MBTD1: variants seen among roughly 807,000 people sequenced by gnomAD.
MBTD1 encodes the protein MBT domain-containing protein 1.
MBTD1 carries 24 observed loss-of-function variants against 87.8 expected under a neutral mutation model. That is an observed-to-expected ratio of 0.27 (90% confidence interval 0.20 to 0.38). MBTD1 has a LOEUF of 0.38. MBTD1 is among the 10% of genes least tolerant of loss of function. The pLI, the probability that MBTD1 is intolerant of heterozygous loss-of-function variation, is 1.00. For synonymous variants in MBTD1, 237 were observed against 248.6 expected, an observed-to-expected ratio of 0.95 and a Z score of 0.44; for missense variants, 436 against 760.2, an observed-to-expected ratio of 0.57 and a Z score of 5.02.
intron 2 of MBTD1, among the ~76,000 whole-genome samples, chr17:51,244,394 A>G (rs140951831): frequency 9.4e-4 from 143 of 152,278 alleles, no homozygotes; most frequent in African/African-American, 3.3e-3. Context: ...TGTGGCCACA[A>G]TGATGTCCCT....
intron 13 of MBTD1, among the ~76,000 whole-genome samples, chr17:51,194,566 C>CAAAAA (rs71355733): frequency 0.031 from 615 of 19,716 alleles, 164 homozygotes; most frequent in Admixed American, 0.04. Flanking sequence ...GAGACTGTCT[C>CAAAAA]AAAAAAAAAA....
At chr17:51,245,008 T>C (rs1598424335) in intron 2 of MBTD1, among the ~76,000 whole-genome samples, 1 of 152,132 alleles carries the variant, frequency 6.6e-6, no homozygotes, top group African/African-American at 2.4e-5. Context: ...TCAAGTGATT[T>C]TCCTGCTTCA....
intron 16 of MBTD1, among the ~76,000 whole-genome samples, 181 bp from the exon 17 acceptor site, chr17:51,180,875 T>C (rs1265499498): frequency 3.3e-5 from 5 of 152,328 alleles, no homozygotes; most frequent in East Asian, 1.9e-4. Flanking sequence ...TACTGTGTAA[T>C]GGACATCTTC....
intron 16 of MBTD1, among the ~76,000 whole-genome samples, chr17:51,189,589 G>A (rs1260717549): frequency 2.0e-5 from 3 of 152,198 alleles, no homozygotes; most frequent in Non-Finnish European, 4.4e-5. Context: ...GTCACGCTGA[G>A]GGAGGCAAAT....
At chr17:51,191,999 G>T in intron 16 of MBTD1, 1 of 574,838 alleles carries the variant, frequency 1.7e-6, no homozygotes, top group Non-Finnish European at 3.1e-6. Flanking sequence ...TAAATACTGT[G>T]GTAATAATTT....
In MBTD1 at chr17:51,202,845, C is replaced by G; in HGVS notation, c.919G>C (p.Val307Leu). 1 of 1,614,134 alleles carries G rather than the reference C, an allele frequency of 6.2e-7. No individual in the cohort carries two copies. Reference protein sequence around the residue: ...RHLCRTRVAVVESVIGGRLRL... With the variant: ...RHLCRTRVAVLESVIGGRLRL... ...AATCTTCCTCCAATTACACTTTCCA[C>G]CACTGCTACTCGTGTTCGACACAAA... Residue 307 changes from valine to leucine, a missense_variant, in exon 10 of 17, where the codon GTG (valine) becomes CTG (leucine). This residue lies in a region of MBTD1 where 268 missense variants were observed against 401.8 expected (regional missense o/e 0.67). Transcript: ENST00000586178.
rs1292321213 is a variant in MBTD1, at chr17:51,235,971, A to AT, written c.-48-10763dup. Among the ~76,000 whole-genome samples, 4 of 152,152 alleles carry AT rather than the reference A, an allele frequency of 2.6e-5. No individual in the cohort carries two copies. The East Asian group carries it at 7.7e-4, about 29-fold the overall frequency. The stretch of plus-strand genomic sequence containing the variant: ...TAGACAAAAAGATCAATGAAACAGA[A>AT]TAAGAGTCCATAAATAGACCTCTAT... On this transcript the variant is annotated intron_variant, in intron 2 of 16. Coordinates refer to ENST00000586178, the MANE Select transcript of MBTD1 (RefSeq NM_017643.3).
chr17:51,260,472 T>A (rs1027012991), upstream of MBTD1: 12 of 1,184,566 alleles, frequency 1.0e-5, no homozygotes, highest in Non-Finnish European at 1.4e-5. Context: ...GGCAAGAGGC[T>A]GCGCAGGCTC....
At chr17:51,214,757 A>T (rs1035507746) in intron 6 of MBTD1, among the ~76,000 whole-genome samples, 9 of 152,148 alleles carry the variant, frequency 5.9e-5, no homozygotes, top group African/African-American at 2.2e-4. Flanking sequence ...AAGAGAAGGC[A>T]GGTGTAGAGT....
intron 3 of MBTD1, among the ~76,000 whole-genome samples, chr17:51,223,749 T>C (rs8074409): frequency 0.042 from 6,358 of 152,132 alleles, 448 homozygotes; most frequent in African/African-American, 0.14. Flanking sequence ...GGCAGGAGAA[T>C]TGCTTGAACC....
At chr17:51,258,955 G>A (rs908411484) in intron 2 of MBTD1, among the ~76,000 whole-genome samples, 188 bp downstream of exon 2, 2 of 152,166 alleles carry the variant, frequency 1.3e-5, no homozygotes, top group Admixed American at 1.3e-4. Flanking sequence ...AGCAGTGGGT[G>A]GGTGAGGAGG....
At position 51,203,131 on chromosome 17, in the gene MBTD1, G is replaced by A. The variant is rs1430043685; in HGVS notation, c.828+9C>T. 7 of 1,593,830 alleles carry A rather than the reference G, an allele frequency of 4.4e-6. No individual in the cohort carries two copies. The African/African-American group carries it at 6.8e-5, about 15-fold the overall frequency. ...AGCTCTTCAGTCTTTATAAGATCCT[G>A]TTTTTTACCTTTTGGGAGAAATCAG... On this transcript the variant is annotated intron_variant, in intron 9 of 16. Transcript: ENST00000586178.
At chr17:51,182,720 A>C (rs893362248) in intron 16 of MBTD1, among the ~76,000 whole-genome samples, 1 of 152,212 alleles carries the variant, frequency 6.6e-6, no homozygotes, top group African/African-American at 2.4e-5. Flanking sequence ...ATTTTTCTCT[A>C]TTATGTATCT....
At chr17:51,246,252 TA>T (rs1405107872) in intron 2 of MBTD1, among the ~76,000 whole-genome samples, 2 of 152,220 alleles carry the variant, frequency 1.3e-5, no homozygotes, top group Non-Finnish European at 2.9e-5. Flanking sequence ...AAGATAATTT[TA>T]TACAGTATAA....
chr17:51,252,712 C>T (rs550109294), intron 2 of MBTD1, among the ~76,000 whole-genome samples: 21 of 149,170 alleles, frequency 1.4e-4, no homozygotes, highest in Non-Finnish European at 2.2e-4. Flanking sequence ...CCAGTCTGGG[C>T]GACAGAGTGA....
In MBTD1 at chr17:51,179,761, G is replaced by A. The variant is rs373288206; in HGVS notation, c.*815C>T. The A allele has an allele frequency of 3.3e-5, 5 of 151,292 alleles. No homozygotes were observed. Among genetic ancestry groups the A allele is most frequent in the African/African-American group, 4.9e-5 (2 of 41,176 alleles). 9.4% of individuals were successfully genotyped at this position (151,292 alleles called of 1,614,324 possible). A position where few individuals can be genotyped will look rare whatever the true frequency, so the allele number is the denominator to read the frequency against. On this transcript the variant is annotated 3_prime_UTR_variant, in exon 17 of 17. Transcript: ENST00000586178. ...CAGAGAACTGATCAGAATCCCTTTCGTGGGGTATTTTTTTTAGAAAGGAAA... is the reference window on the plus strand; with the variant it reads ...CAGAGAACTGATCAGAATCCCTTTCATGGGGTATTTTTTTTAGAAAGGAAA...
intron 2 of MBTD1, among the ~76,000 whole-genome samples, chr17:51,236,546 A>G (rs1178861308): frequency 6.6e-6 from 1 of 152,118 alleles, no homozygotes; most frequent in African/African-American, 2.4e-5. Flanking sequence ...CGTCTGGCCT[A>G]TGTTTTTTAT....
At chr17:51,241,464 C>T (rs2054156030) in intron 2 of MBTD1, among the ~76,000 whole-genome samples, 1 of 152,194 alleles carries the variant, frequency 6.6e-6, no homozygotes. Context: ...TTTCCCAACC[C>T]CAACATTCCC....
intron 2 of MBTD1, among the ~76,000 whole-genome samples, chr17:51,244,231 C>CT (rs942799307): frequency 2.6e-5 from 4 of 152,196 alleles, no homozygotes; most frequent in East Asian, 1.9e-4. Context: ...AACTCCAGCA[C>CT]TTTTTTATCA....
Sources: allele counts gnomAD v4.1 joint callset (sites outside exome capture counted in the v4.1 genomes callset), GRCh38; gene constraint gnomAD v4.1.1; regional missense constraint gnomAD v4.1.1; transcripts MANE v1.5; gene names NCBI Gene and HGNC (gene_info 2026-07-23, HGNC 2026-07-21).